The following PALM2AKAP2 variants were observed in gnomAD, a reference collection of about 807,000 sequenced individuals.
PALM2AKAP2 encodes PALM2 and AKAP2 fusion, also known as PALM2-AKAP2 fusion protein.
In PALM2AKAP2, 37 loss-of-function variants were observed where a neutral mutation model predicts 71.5. The ratio of observed to expected loss-of-function variants is 0.52; its 90% CI spans 0.40 to 0.68. PALM2AKAP2 has a LOEUF of 0.68. PALM2AKAP2 is among the 30% of genes least tolerant of loss of function. The pLI, the probability that PALM2AKAP2 is intolerant of heterozygous loss-of-function variation, is 0.00. For missense variants in PALM2AKAP2, 1,224 were observed against 1,191.8 expected, an observed-to-expected ratio of 1.03 and a Z score of -0.40; for synonymous variants, 468 against 478.8, an observed-to-expected ratio of 0.98 and a Z score of 0.29.
intron 6 of PALM2AKAP2, among the ~76,000 whole-genome samples, chr9:109,935,001 G>A (rs887974674): frequency 6.6e-5 from 10 of 152,212 alleles, no homozygotes; most frequent in Non-Finnish European, 1.3e-4. Flanking sequence ...TGGAGGCACT[G>A]AGGAACCACA....
intron 2 of PALM2AKAP2, among the ~76,000 whole-genome samples, chr9:110,140,294 A>T (rs1835994015): frequency 6.6e-6 from 1 of 152,148 alleles, no homozygotes. Context: ...TGTCCTTTGG[A>T]GATGTCCCCG....
intron 1 of PALM2AKAP2, among the ~76,000 whole-genome samples, chr9:110,054,673 A>G (rs991857201): frequency 1.3e-5 from 2 of 152,092 alleles, no homozygotes; most frequent in Non-Finnish European, 2.9e-5. Flanking sequence ...TCTGGGCTCA[A>G]GTGATCCTCT....
intron 1 of PALM2AKAP2, among the ~76,000 whole-genome samples, chr9:109,661,661 C>T (rs1827399034): frequency 6.6e-6 from 1 of 151,990 alleles, no homozygotes; most frequent in Non-Finnish European, 1.5e-5. Flanking sequence ...TTTTTTGGTT[C>T]CATATGAACT....
At chr9:109,640,839 G>T (rs1323364231) in exon 1 of PALM2AKAP2, 5 of 1,516,466 alleles carry the variant, frequency 3.3e-6, no homozygotes, top group East Asian at 5.2e-5. Flanking sequence ...CCGCAGCAGC[G>T]CACCCGGCCG....
chr9:109,985,628 A>C (rs1478658320), intron 6 of PALM2AKAP2, among the ~76,000 whole-genome samples: 1 of 150,514 alleles, frequency 6.6e-6, no homozygotes, highest in African/African-American at 2.4e-5. Flanking sequence ...TCAAAAAAAA[A>C]AAAAACTGTC....
chr9:109,712,855 T>G (rs1051319359), intron 1 of PALM2AKAP2, among the ~76,000 whole-genome samples: 17 of 152,242 alleles, frequency 1.1e-4, no homozygotes, highest in Admixed American at 1.0e-3. Flanking sequence ...CTATTTCCAC[T>G]GTTAGACCAT....
intron 1 of PALM2AKAP2, among the ~76,000 whole-genome samples, chr9:110,077,385 A>G (rs994668317): frequency 6.6e-6 from 1 of 152,236 alleles, no homozygotes; most frequent in Non-Finnish European, 1.5e-5. Context: ...GAGGTTGTAC[A>G]TTGACAGTGA....
chr9:109,920,250 C>T (rs1004714415), intron 3 of PALM2AKAP2, among the ~76,000 whole-genome samples: 4 of 152,156 alleles, frequency 2.6e-5, no homozygotes, highest in African/African-American at 9.7e-5. Flanking sequence ...AAGTGTAACC[C>T]ATCTACCATA....
intron 1 of PALM2AKAP2, among the ~76,000 whole-genome samples, chr9:109,797,344 G>T (rs1486471035): frequency 6.6e-6 from 1 of 152,180 alleles, no homozygotes; most frequent in Non-Finnish European, 1.5e-5. Context: ...GGAAACAGTT[G>T]CTTTGCCAAC....
Position 110,168,423 on chromosome 9 carries a change from C to T in PALM2AKAP2, c.2773C>T (p.Arg925Ter), listed in dbSNP as rs748518972. Residue 925 changes from arginine (R) to a stop codon, truncating the protein, a stop_gained, in exon 4 of 4, where the codon CGA (arginine) becomes TGA (stop). Coordinates refer to ENST00000374525, the Ensembl canonical transcript of PALM2AKAP2. LOFTEE classifies it high-confidence loss of function. ...GGTCCTCGAGGCCACACGGGTTAAT[C>T]GAAGAAAGAGCGCACTGGCTTTGCG... 13 of 1,613,936 alleles carry T rather than the reference C, an allele frequency of 8.1e-6. No individual in the cohort carries two copies. Among genetic ancestry groups the T allele is most frequent in the African/African-American group, 4.0e-5 (3 of 74,890 alleles).
At position 110,164,177 on chromosome 9, in the gene PALM2AKAP2, G is replaced by A. The variant is rs917156525; in HGVS notation, c.2749-4222G>A. Among the ~76,000 whole-genome samples the A allele has an allele frequency of 5.9e-5, 9 of 152,076 alleles. No individual in the cohort carries two copies. The South Asian group carries it at 6.2e-4, about 11-fold the overall frequency. ...CAGTTTGAGAATTAGGACTAAGCCC[G>A]TCTCCCCTTTGAGTCCATTTAAAAC... On this transcript the variant is annotated intron_variant, in intron 3 of 3. Transcript: ENST00000374525.
At chr9:109,937,614 A>G (rs1831257151) in intron 6 of PALM2AKAP2, among the ~76,000 whole-genome samples, 1 of 152,208 alleles carries the variant, frequency 6.6e-6, no homozygotes, top group Admixed American at 6.5e-5. Context: ...TATATACTCC[A>G]ATCTCATTGT....
chr9:109,752,382 C>G (rs1828898917), intron 1 of PALM2AKAP2, among the ~76,000 whole-genome samples: 1 of 152,098 alleles, frequency 6.6e-6, no homozygotes, highest in Admixed American at 6.6e-5. Context: ...TGACTCAGGT[C>G]TGGGATGGGT....
At chr9:109,798,415 A>C (rs1827325409) in intron 1 of PALM2AKAP2, among the ~76,000 whole-genome samples, 1 of 152,202 alleles carries the variant, frequency 6.6e-6, no homozygotes, top group Non-Finnish European at 1.5e-5. Context: ...TCCCAGGGGA[A>C]TGGCTAAGGG....
At chr9:109,942,544 C>T (rs76963630) in intron 6 of PALM2AKAP2, 26,492 of 835,172 alleles carry the variant, frequency 0.032, 555 homozygotes, top group Non-Finnish European at 0.04. Flanking sequence ...ATTCACAGTG[C>T]GCACCTCACT....
intron 1 of PALM2AKAP2, among the ~76,000 whole-genome samples, chr9:109,752,037 A>G (rs1312929992): frequency 6.6e-6 from 1 of 152,152 alleles, no homozygotes; most frequent in Admixed American, 6.5e-5. Flanking sequence ...TGGTCCTTTC[A>G]TGTATTCATT....
At chr9:109,873,760 T>G (rs1829658842) in intron 2 of PALM2AKAP2, among the ~76,000 whole-genome samples, 1 of 152,130 alleles carries the variant, frequency 6.6e-6, no homozygotes, top group Admixed American at 6.5e-5. Context: ...GGAGACTTAT[T>G]ACAAGTTCTC....
At chr9:109,677,612 G>T (rs1406888339) in intron 1 of PALM2AKAP2, among the ~76,000 whole-genome samples, 1 of 150,910 alleles carries the variant, frequency 6.6e-6, no homozygotes, top group Non-Finnish European at 1.5e-5. Context: ...AGGTTGCAGT[G>T]AGCAGAGATC....
intron 1 of PALM2AKAP2, among the ~76,000 whole-genome samples, chr9:109,729,260 G>C (rs143912588): frequency 3.3e-5 from 5 of 152,146 alleles, no homozygotes; most frequent in Non-Finnish European, 5.9e-5. Context: ...TGAGCCTCCA[G>C]TAGTCCCCTC....
Sources: allele counts gnomAD v4.1 joint callset (sites outside exome capture counted in the v4.1 genomes callset), GRCh38; gene constraint gnomAD v4.1.1; transcripts MANE v1.5; gene names NCBI Gene and HGNC (gene_info 2026-07-23, HGNC 2026-07-21).